The following DIP2C variants were observed in gnomAD, a reference collection of about 807,000 sequenced individuals.
The protein encoded by DIP2C is DIP2 acetate--CoA ligase C (putative), also known as disco-interacting protein 2 homolog C.
A neutral mutation model predicts 192.4 loss-of-function variants in DIP2C; 33 were observed. The ratio of observed to expected loss-of-function variants is 0.17; its 90% confidence interval spans 0.13 to 0.23. The LOEUF (loss-of-function observed/expected upper bound fraction) is 0.23, where lower values mean the gene tolerates loss of function less well. Ranked by LOEUF, DIP2C falls within the 10% of genes least tolerant of loss-of-function variation. The pLI is 1.00. For missense variants in DIP2C, 1,537 were observed against 2,110.1 expected (o/e 0.73, Z 5.32); for synonymous variants, 979 against 864.1 (o/e 1.13, Z -2.33).
chr10:658,006 ACCCTGGACCTGC>A (rs1342395090), intron 1 of DIP2C, among the ~76,000 whole-genome samples: 53 of 69,400 alleles, frequency 7.6e-4, no homozygotes, highest in Non-Finnish European at 1.3e-3. Flanking sequence ...ACTGGACCTG[ACCCTGGACCTGC>A]CCCTGGACCT....
At chr10:661,738 A>G (rs987585223) in intron 1 of DIP2C, among the ~76,000 whole-genome samples, 1 of 152,046 alleles carries the variant, frequency 6.6e-6, no homozygotes, top group African/African-American at 2.4e-5. Flanking sequence ...CTTGACCTGC[A>G]CTTCTATGTA....
At chr10:549,630 G>A (rs1385536793) in intron 1 of DIP2C, among the ~76,000 whole-genome samples, 3 of 151,906 alleles carry the variant, frequency 2.0e-5, no homozygotes, top group African/African-American at 4.8e-5. Context: ...GGGTGCCCCC[G>A]ACCAGGTGCC....
chr10:383,950 C>A, intron 16 of DIP2C, 77 bp downstream of exon 16: 1 of 1,410,802 alleles, frequency 7.1e-7, no homozygotes, highest in Non-Finnish European at 9.2e-7. Flanking sequence ...ACTTCACAGC[C>A]TGCCTGCCTC....
At chr10:288,998 C>G (rs983130885) in intron 32 of DIP2C, among the ~76,000 whole-genome samples, 1 of 152,256 alleles carries the variant, frequency 6.6e-6, no homozygotes, top group Non-Finnish European at 1.5e-5. Context: ...CAGGCCACAA[C>G]CAGAGCTTCG....
intron 1 of DIP2C, among the ~76,000 whole-genome samples, chr10:679,575 C>G (rs1208486951): frequency 2.1e-4 from 16 of 77,714 alleles, no homozygotes; most frequent in South Asian, 6.2e-4. Flanking sequence ...CATCCTCCCC[C>G]CACCCATGCT....
chr10:422,021 C>T (rs1439052787), intron 5 of DIP2C, among the ~76,000 whole-genome samples: 1 of 145,190 alleles, frequency 6.9e-6, no homozygotes, highest in Non-Finnish European at 1.5e-5. Flanking sequence ...CAATGACGTG[C>T]ACCTGCTTCC....
In DIP2C at chr10:689,621, C is replaced by T; in HGVS notation, c.-43G>A. The T allele has an allele frequency of 9.2e-7, 1 of 1,085,854 alleles. No individual in the cohort carries two copies. The highest frequency in any genetic ancestry group is 1.1e-6 in the Non-Finnish European group (1 of 893,232). 67.3% of individuals were successfully genotyped at this position (1,085,854 alleles called of 1,614,324 possible). A position where few individuals can be genotyped will look rare whatever the true frequency, so the allele number is the denominator to read the frequency against. On this transcript the variant is annotated 5_prime_UTR_variant, in exon 1 of 37. Coordinates refer to ENST00000280886, the MANE Select transcript of DIP2C (RefSeq NM_014974.3). This position sits in a 1 kb window ranked among gnomAD's most constrained non-coding sequence, Gnocchi z 6.1. The stretch of plus-strand genomic sequence containing the variant: ...CCCCGCACGGCCTCCTCTTTGTTCG[C>T]AGGCGGAGGTCTCGGCGGCTCCTCG...
chr10:303,153 G>T (rs908375907), intron 32 of DIP2C, among the ~76,000 whole-genome samples: 1 of 152,150 alleles, frequency 6.6e-6, no homozygotes, highest in Non-Finnish European at 1.5e-5. Context: ...ATCACCACAC[G>T]TGGCGGTAGA....
intron 9 of DIP2C, 85 bp from the exon 10 acceptor site, chr10:399,304 A>C: frequency 9.9e-7 from 1 of 1,015,020 alleles, no homozygotes; most frequent in Non-Finnish European, 1.6e-6. Context: ...TCTAGGTGAG[A>C]GGGCACGCTT....
intron 20 of DIP2C, among the ~76,000 whole-genome samples, chr10:364,153 A>G (rs968375455): frequency 6.6e-6 from 1 of 152,210 alleles, no homozygotes; most frequent in African/African-American, 2.4e-5. Context: ...GGGAAGTTCA[A>G]TGGAAATATA....
chr10:377,376 A>T (rs1414332042), intron 17 of DIP2C, among the ~76,000 whole-genome samples: 1 of 152,124 alleles, frequency 6.6e-6, no homozygotes, highest in Admixed American at 6.5e-5. Flanking sequence ...TCATCATCTA[A>T]TTCACCACAA....
Position 363,418 on chromosome 10 carries a change from A to C in DIP2C, c.2478-107T>G, listed in dbSNP as rs1001959847. 1 of 906,390 alleles carries C rather than the reference A, an allele frequency of 1.1e-6. No homozygotes were observed. Among genetic ancestry groups the C allele is most frequent in the African/African-American group, 1.7e-5 (1 of 60,534 alleles). 56.1% of individuals were successfully genotyped at this position (906,390 alleles called of 1,614,324 possible). ...ATCACTAGTGAGTGACACAGCTCCA[A>C]CTACGACTTCAAAACGGCCGCTGTA... On this transcript the variant is annotated intron_variant, in intron 20 of 36. Transcript: ENST00000280886. This position sits in a 1 kb window ranked among gnomAD's most constrained non-coding sequence, Gnocchi z 5.4.
At chr10:462,258 G>T (rs1046047445) in intron 3 of DIP2C, among the ~76,000 whole-genome samples, 2 of 152,032 alleles carry the variant, frequency 1.3e-5, no homozygotes, top group African/African-American at 2.4e-5. Context: ...TTTTGGAAAA[G>T]ATCAACAAAA....
intron 31 of DIP2C, among the ~76,000 whole-genome samples, chr10:319,992 T>TA (rs1956937553): frequency 6.6e-6 from 1 of 152,196 alleles, no homozygotes; most frequent in South Asian, 2.1e-4. Flanking sequence ...GAATGACTCT[T>TA]AAGGTGCAAG....
At chr10:608,908 TAC>T (rs1208139762) in intron 1 of DIP2C, among the ~76,000 whole-genome samples, 29 of 151,404 alleles carry the variant, frequency 1.9e-4, no homozygotes, top group Non-Finnish European at 7.4e-5. Context: ...TGGTTCTCAT[TAC>T]AGTGATTTGA....
chr10:504,030 A>G (rs566400370), intron 1 of DIP2C, among the ~76,000 whole-genome samples: 2 of 152,302 alleles, frequency 1.3e-5, no homozygotes, highest in African/African-American at 4.8e-5. Context: ...TATAGATACA[A>G]CTGGTCTAAT....
In DIP2C at chr10:649,196, C is replaced by T. The variant is rs557133405; in HGVS notation, c.85+40298G>A. On this transcript the variant is annotated intron_variant, in intron 1 of 36. Coordinates refer to ENST00000280886, the MANE Select transcript of DIP2C (RefSeq NM_014974.3). ...AAACTGAGTCCACGTCCACATTTGA[C>T]GGTGGGAGAGAACAGAGGGAAACTG... Among the ~76,000 whole-genome samples, 786 of 123,988 alleles carry T rather than the reference C, an allele frequency of 6.3e-3. 31 individuals carry two copies. The highest frequency in any genetic ancestry group is 7.1e-3 in the Middle Eastern group (1 of 140). 81.3% of individuals were successfully genotyped at this position (123,988 alleles called of 152,430 possible).
intron 10 of DIP2C, among the ~76,000 whole-genome samples, chr10:391,632 C>G (rs1275992336): frequency 6.6e-6 from 1 of 152,234 alleles, no homozygotes; most frequent in African/African-American, 2.4e-5. Flanking sequence ...TGTGGGTTTT[C>G]CATTATTTGA....
At chr10:667,937 CAT>C (rs1857202325) in intron 1 of DIP2C, 1 of 152,110 alleles carries the variant, frequency 6.6e-6, no homozygotes, top group African/African-American at 2.4e-5. Context: ...TTCAACACGA[CAT>C]ACACGTACCA....
Sources: gnomAD v4.1 joint callset for allele counts (sites outside exome capture counted in the v4.1 genomes callset) on GRCh38, gnomAD v4.1.1 for gene constraint, Gnocchi (gnomAD v3.1) non-coding constraint, MANE v1.5 for transcripts, NCBI Gene and HGNC (gene_info 2026-07-23, HGNC 2026-07-21) for gene names.